The following PEX5L variants were observed in gnomAD, a reference collection of about 807,000 sequenced individuals.
The protein encoded by PEX5L is PEX5-related protein.
Under a neutral mutation model 84.0 loss-of-function variants are expected in PEX5L, and 30 were observed. The ratio of observed to expected loss-of-function variants is 0.36; its 90% CI spans 0.27 to 0.48. The LOEUF (loss-of-function observed/expected upper bound fraction) is 0.48. Ranked by LOEUF, PEX5L falls within the 20% of genes least tolerant of loss-of-function variation. PEX5L has a pLI of 0.99. For missense variants in PEX5L, 533 were observed against 754.6 expected (o/e 0.71, Z 3.44); for synonymous variants, 270 against 283.1 (o/e 0.95, Z 0.46).
intron 2 of PEX5L, among the ~76,000 whole-genome samples, chr3:179,966,221 T>C (rs1783296642): frequency 6.6e-6 from 1 of 152,298 alleles, no homozygotes; most frequent in East Asian, 1.9e-4. Flanking sequence ...CAGAGTTTCA[T>C]GCTTCAGAAT....
At chr3:179,829,827 A>G (rs1233881148) in intron 8 of PEX5L, among the ~76,000 whole-genome samples, 9 of 138,560 alleles carry the variant, frequency 6.5e-5, no homozygotes, top group African/African-American at 2.2e-4. Context: ...CCAAGGCTAG[A>G]GTGCAGTGGC....
intron 5 of PEX5L, among the ~76,000 whole-genome samples, chr3:179,876,591 A>G (rs1752489582): frequency 6.6e-6 from 1 of 152,114 alleles, no homozygotes; most frequent in Non-Finnish European, 1.5e-5. Context: ...TAACAAATTG[A>G]CCACTTAAAC....
At chr3:179,889,014 C>A (rs895947472) in intron 3 of PEX5L, among the ~76,000 whole-genome samples, 5 of 152,058 alleles carry the variant, frequency 3.3e-5, no homozygotes, top group Non-Finnish European at 7.4e-5. Context: ...TGGGCTCAAG[C>A]AATTCTCCCA....
intron 8 of PEX5L, among the ~76,000 whole-genome samples, chr3:179,821,523 A>G (rs945916243): frequency 6.6e-6 from 1 of 152,228 alleles, no homozygotes; most frequent in Non-Finnish European, 1.5e-5. Context: ...AACCAGCCCA[A>G]TGTGATAATC....
At chr3:179,840,528 G>A (rs1166938599) in intron 8 of PEX5L, among the ~76,000 whole-genome samples, 1 of 152,074 alleles carries the variant, frequency 6.6e-6, no homozygotes, top group Admixed American at 6.6e-5. Flanking sequence ...AGGATCTGAT[G>A]TACACTTCGA....
At chr3:179,855,972 C>T (rs1743790812) in intron 8 of PEX5L, among the ~76,000 whole-genome samples, 1 of 152,190 alleles carries the variant, frequency 6.6e-6, no homozygotes, top group Non-Finnish European at 1.5e-5. Flanking sequence ...TATGTTCATA[C>T]AATGCAGTGG....
rs567635092 is a variant in PEX5L, at chr3:180,024,774, G to T, written c.21+11805C>A. On this transcript the variant is annotated intron_variant, in intron 1 of 14. Coordinates refer to ENST00000467460, the MANE Select transcript of PEX5L (RefSeq NM_016559.3). ...GGGTATAAGCAACCCTTACAACAGG[G>T]TATAAGCAAATGACAGCCTCCGACA... 8.5e-5 allele frequency among the ~76,000 whole-genome samples: 13 copies of T among 152,130 alleles called. No individual in the cohort carries two copies. The South Asian group carries it at 2.7e-3, about 32-fold the overall frequency.
At chr3:179,867,169 T>C (rs1377218772) in intron 7 of PEX5L, among the ~76,000 whole-genome samples, 1 of 152,116 alleles carries the variant, frequency 6.6e-6, no homozygotes, top group Non-Finnish European at 1.5e-5. Context: ...CCAAATTCTA[T>C]GTTGAAGAAT....
intron 8 of PEX5L, among the ~76,000 whole-genome samples, chr3:179,825,079 T>C (rs986755279): frequency 3.9e-5 from 6 of 152,192 alleles, no homozygotes; most frequent in Non-Finnish European, 7.3e-5. Context: ...GGGTGTCCCA[T>C]GTAGTGGTCT....
intron 8 of PEX5L, among the ~76,000 whole-genome samples, chr3:179,831,655 G>A (rs1732993450): frequency 6.6e-6 from 1 of 152,092 alleles, no homozygotes; most frequent in Admixed American, 6.5e-5. Flanking sequence ...GGTGCTCTGG[G>A]AGAGGAGAGA....
At position 179,794,999 on chromosome 3, in the gene PEX5L, A is replaced by G; in HGVS notation, c.*6829T>C. 1 of 152,346 alleles carries G rather than the reference A, an allele frequency of 6.6e-6. No individual in the cohort carries two copies. Among genetic ancestry groups the G allele is most frequent in the East Asian group, 1.9e-4 (1 of 5,194 alleles). 9.4% of individuals were successfully genotyped at this position (152,346 alleles called of 1,614,324 possible). A position where few individuals can be genotyped will look rare whatever the true frequency, so the allele number is the denominator to read the frequency against. On this transcript the variant is annotated 3_prime_UTR_variant, in exon 15 of 15. Coordinates refer to ENST00000467460, the MANE Select transcript of PEX5L (RefSeq NM_016559.3). ...TATTCTAAAAAGAATCACAAAATTC[A>G]ATTTCAGGTTAAATAATATTTTAGT... is the stretch of plus-strand genomic sequence containing the variant.
At position 179,917,113 on chromosome 3, in the gene PEX5L, C is replaced by T. The variant is rs1457253440; in HGVS notation, c.94-18867G>A. Among the ~76,000 whole-genome samples, 22 of 151,284 alleles carry T rather than the reference C, an allele frequency of 1.5e-4. No individual in the cohort carries two copies. In the South Asian group the frequency reaches 2.1e-3, roughly 14 times the overall value. ...TTAGATTTCTTTCTTTTTCTTTTTT[C>T]CTTTTTAAAAATCTTGTTAAAAACT... is the stretch of plus-strand genomic sequence containing the variant. On this transcript the variant is annotated intron_variant, in intron 2 of 14. Transcript: ENST00000467460.
At chr3:179,912,432 A>C (rs1471535659) in intron 2 of PEX5L, among the ~76,000 whole-genome samples, 1 of 152,148 alleles carries the variant, frequency 6.6e-6, no homozygotes, top group Non-Finnish European at 1.5e-5. Flanking sequence ...AGACAGGTTG[A>C]AATTGATACT....
At chr3:180,013,884 G>A (rs145917650) in intron 1 of PEX5L, among the ~76,000 whole-genome samples, 3 of 152,198 alleles carry the variant, frequency 2.0e-5, no homozygotes, top group East Asian at 1.9e-4. Flanking sequence ...CAAGGAACAC[G>A]TGTGACTTTC....
At chr3:179,945,106 T>G (rs1777157005) in intron 2 of PEX5L, among the ~76,000 whole-genome samples, 1 of 152,232 alleles carries the variant, frequency 6.6e-6, no homozygotes, top group African/African-American at 2.4e-5. Context: ...GAAGCCAATT[T>G]GCAATTGGTT....
chr3:180,022,790 A>G (rs1040202863), intron 1 of PEX5L, among the ~76,000 whole-genome samples: 2 of 152,200 alleles, frequency 1.3e-5, no homozygotes, highest in Admixed American at 6.5e-5. Flanking sequence ...GGATTTCTGC[A>G]TAAAAGATGG....
intron 7 of PEX5L, among the ~76,000 whole-genome samples, chr3:179,862,629 C>T (rs1261638949): frequency 6.6e-6 from 1 of 151,934 alleles, no homozygotes; most frequent in East Asian, 1.9e-4. Context: ...ATAAAATAAA[C>T]ATATAAAAAT....
At chr3:179,958,479 C>T (rs1180941575) in intron 2 of PEX5L, among the ~76,000 whole-genome samples, 1 of 152,156 alleles carries the variant, frequency 6.6e-6, no homozygotes, top group Non-Finnish European at 1.5e-5. Context: ...TACAAAAAGT[C>T]TTTGGAACAG....
intron 4 of PEX5L, among the ~76,000 whole-genome samples, chr3:179,884,621 TAC>T (rs1220960659): frequency 6.6e-6 from 1 of 152,262 alleles, no homozygotes; most frequent in African/African-American, 2.4e-5. Context: ...TGTCAGTGTT[TAC>T]ACCAGGATTC....
Sources: allele counts gnomAD v4.1 joint callset (sites outside exome capture counted in the v4.1 genomes callset), GRCh38; gene constraint gnomAD v4.1.1; transcripts MANE v1.5; gene names NCBI Gene and HGNC (gene_info 2026-07-23, HGNC 2026-07-21).